Variants in PTPRT observed in about 807,000 individuals in gnomAD.
PTPRT encodes receptor-type tyrosine-protein phosphatase T.
In PTPRT, 56 loss-of-function variants were observed where a neutral mutation model predicts 176.8. The ratio of observed to expected loss-of-function variants is 0.32; its 90% CI spans 0.26 to 0.40. PTPRT has a LOEUF of 0.40. Among genes scored for constraint, PTPRT ranks in the 10% least tolerant of loss-of-function variants. PTPRT has a pLI of 1.00. For missense variants in PTPRT, 1,540 were observed against 1,908.2 expected (o/e 0.81, Z 3.60); for synonymous variants, 783 against 739.0 (o/e 1.06, Z -0.96).
chr20:43,058,206 A>T (rs1338533640), intron 1 of PTPRT, among the ~76,000 whole-genome samples: 2 of 152,020 alleles, frequency 1.3e-5, no homozygotes, highest in Non-Finnish European at 2.9e-5. Flanking sequence ...CTTACATAAT[A>T]AAAAAAGTAA....
At chr20:42,702,581 A>C (rs2075990262) in intron 6 of PTPRT, among the ~76,000 whole-genome samples, 1 of 152,160 alleles carries the variant, frequency 6.6e-6, no homozygotes, top group South Asian at 2.1e-4. Flanking sequence ...ACTTCAGTGC[A>C]TCTCCATAAA....
intron 9 of PTPRT, 99 bp downstream of exon 9, chr20:42,448,117 TACTC>T: frequency 1.1e-6 from 1 of 901,828 alleles, no homozygotes; most frequent in Non-Finnish European, 1.8e-6. Flanking sequence ...TGTCTCATCT[TACTC>T]ACCTTTATAC....
intron 11 of PTPRT, among the ~76,000 whole-genome samples, chr20:42,316,328 C>T (rs2057721391): frequency 6.6e-6 from 1 of 152,156 alleles, no homozygotes; most frequent in Admixed American, 6.5e-5. Flanking sequence ...TAGGGCTCAT[C>T]CTCAGTTCTT....
intron 23 of PTPRT, among the ~76,000 whole-genome samples, chr20:42,109,123 G>A (rs531757893): frequency 6.6e-6 from 1 of 152,128 alleles, no homozygotes; most frequent in Admixed American, 6.5e-5. Flanking sequence ...CTGTGAAATG[G>A]GGTTGTGTAG....
At chr20:43,104,745 C>A (rs1760042698) in intron 1 of PTPRT, among the ~76,000 whole-genome samples, 1 of 152,184 alleles carries the variant, frequency 6.6e-6, no homozygotes, top group African/African-American at 2.4e-5. Flanking sequence ...ATAATCCCAG[C>A]TCCATAATTC....
chr20:42,867,301 G>GT (rs1359866666), intron 2 of PTPRT, among the ~76,000 whole-genome samples: 1 of 151,340 alleles, frequency 6.6e-6, no homozygotes, highest in Non-Finnish European at 1.5e-5. Flanking sequence ...CAGAATGCTA[G>GT]TCACTAGTAG....
At chr20:43,090,419 C>T (rs542338824) in intron 1 of PTPRT, among the ~76,000 whole-genome samples, 4 of 152,188 alleles carry the variant, frequency 2.6e-5, no homozygotes, top group South Asian at 2.1e-4. Flanking sequence ...AGGCGCCCGC[C>T]ACCACGCCTG....
At chr20:42,937,234 G>A (rs991415089) in intron 1 of PTPRT, among the ~76,000 whole-genome samples, 3 of 152,148 alleles carry the variant, frequency 2.0e-5, no homozygotes, top group South Asian at 2.1e-4. Flanking sequence ...ACTATCCAAC[G>A]CACTGCTCCT....
At chr20:42,566,043 G>T (rs1043679594) in intron 7 of PTPRT, among the ~76,000 whole-genome samples, 1 of 151,950 alleles carries the variant, frequency 6.6e-6, no homozygotes, top group Non-Finnish European at 1.5e-5. Context: ...CCCTATGTTG[G>T]CTATGTGTGG....
rs148734153 is a variant in PTPRT at position 42,161,502 on chromosome 20, C to T, written c.2532G>A (p.Thr844=). 154 of 1,613,010 alleles carry T rather than the reference C, an allele frequency of 9.5e-5. No individual in the cohort carries two copies. Among genetic ancestry groups the T allele is most frequent in the African/African-American group, 3.6e-4 (27 of 74,990 alleles). The change falls in exon 17 of 31, where the codon ACG becomes ACA. Residue 844 remains threonine (T), a synonymous_variant. Coordinates refer to ENST00000373187, the MANE Select transcript of PTPRT (RefSeq NM_007050.6). ...SRGELSQPTL[T]IQTHPYRTCD... is the part of the protein sequence containing the mutation. ...AGGTGCGGTAGGGATGAGTCTGGAT[C>T]GTGAGGGTGGGCTGGGAAAGCTCCC...
chr20:42,850,087 T>C (rs752565199), intron 2 of PTPRT, among the ~76,000 whole-genome samples: 1 of 152,196 alleles, frequency 6.6e-6, no homozygotes, highest in Non-Finnish European at 1.5e-5. Context: ...CTGCATAAAC[T>C]GAATTTGTGA....
At chr20:42,648,820 G>GTTTTTTTTTTTTGTTT (rs2074968355) in intron 7 of PTPRT, among the ~76,000 whole-genome samples, 2 of 111,834 alleles carry the variant, frequency 1.8e-5, no homozygotes, top group African/African-American at 3.7e-5. Flanking sequence ...TGGTGTCGTT[G>GTTTTTTTTTTTTGTTT]TTTTTTTTTT....
chr20:42,690,935 C>A (rs2075783385), intron 6 of PTPRT, among the ~76,000 whole-genome samples: 2 of 152,230 alleles, frequency 1.3e-5, no homozygotes, highest in Middle Eastern at 3.4e-3. Context: ...GTGAGTTATT[C>A]CTTTCTTCCC....
At chr20:42,176,464 G>A (rs1052982368) in intron 16 of PTPRT, among the ~76,000 whole-genome samples, 2 of 152,106 alleles carry the variant, frequency 1.3e-5, no homozygotes, top group African/African-American at 2.4e-5. Flanking sequence ...TGGCTCCAGG[G>A]GACTGGACAT....
chr20:42,107,766 T>TAACA (rs556494168), intron 23 of PTPRT, among the ~76,000 whole-genome samples: 197 of 152,256 alleles, frequency 1.3e-3, no homozygotes, highest in African/African-American at 4.1e-3. Flanking sequence ...TGTCTTTGTC[T>TAACA]AACAATGTAG....
At chr20:42,323,823 T>C (rs892486000) in intron 11 of PTPRT, among the ~76,000 whole-genome samples, 2 of 151,620 alleles carry the variant, frequency 1.3e-5, no homozygotes, top group African/African-American at 2.4e-5. Context: ...AATGAGAAAC[T>C]ATCACACACA....
At chr20:42,278,874 TA>T (rs2057092417) in intron 13 of PTPRT, among the ~76,000 whole-genome samples, 1 of 152,132 alleles carries the variant, frequency 6.6e-6, no homozygotes, top group African/African-American at 2.4e-5. Flanking sequence ...CTCCATTTTC[TA>T]AAGGATCACC....
chr20:42,158,562 A>T (rs985849062), intron 17 of PTPRT, among the ~76,000 whole-genome samples: 1 of 152,202 alleles, frequency 6.6e-6, no homozygotes, highest in Admixed American at 6.5e-5. Flanking sequence ...TTTTATCTGC[A>T]ATAGGACAAT....
intron 1 of PTPRT, among the ~76,000 whole-genome samples, chr20:42,975,749 G>A (rs78396739): frequency 0.023 from 3,521 of 152,112 alleles, 99 homozygotes; most frequent in African/African-American, 0.066. Flanking sequence ...CAGTCTAGCC[G>A]TTACGTAGAA....
Sources: allele counts gnomAD v4.1 joint callset (sites outside exome capture counted in the v4.1 genomes callset), GRCh38; gene constraint gnomAD v4.1.1; transcripts MANE v1.5; gene names NCBI Gene and HGNC (gene_info 2026-07-23, HGNC 2026-07-21).